The following ZCCHC14 variants were observed in gnomAD, a reference collection of about 807,000 sequenced individuals.
ZCCHC14 encodes the protein zinc finger CCHC-type containing 14.
A neutral mutation model predicts 85.0 loss-of-function variants in ZCCHC14; 16 were observed. The observed-to-expected ratio is 0.19, with a 90% CI of 0.13 to 0.29. The LOEUF is 0.29. Among genes scored for constraint, ZCCHC14 ranks in the 10% least tolerant of loss-of-function variants. ZCCHC14 has a pLI of 1.00. For missense variants in ZCCHC14, 1,303 were observed against 1,443.5 expected (o/e 0.90, Z 1.58); for synonymous variants, 775 against 630.7 (o/e 1.23, Z -3.43).
chr16:87,491,598 C>G lies in ZCCHC14; in HGVS notation c.570+71G>C. 1 of 1,313,886 alleles carries G rather than the reference C, an allele frequency of 7.6e-7. No homozygotes were observed. The highest frequency in any genetic ancestry group is 9.7e-7 in the Non-Finnish European group (1 of 1,026,914). The allele number at this position is 1,313,886 out of a possible 1,614,324, so 81.4% of individuals were successfully genotyped here. On this transcript the variant is annotated intron_variant, in intron 1 of 12. Coordinates refer to ENST00000671377, the MANE Select transcript of ZCCHC14 (RefSeq NM_015144.3). This position sits in a 1 kb window ranked among gnomAD's most constrained non-coding sequence, Gnocchi z 5.9. The stretch of plus-strand genomic sequence containing the variant: ...GTGGGTCGGGGGGTCGCGGTGCAGG[C>G]TGGAGGCTTGGAGTGCAGAGTTGGG...
intron 2 of ZCCHC14, among the ~76,000 whole-genome samples, chr16:87,449,212 C>T (rs76297022): frequency 0.016 from 2,468 of 152,374 alleles, 25 homozygotes; most frequent in Middle Eastern, 0.044. Flanking sequence ...GACCAACACA[C>T]CCCAGGCATC....
chr16:87,488,740 G>C (rs1912622594), intron 1 of ZCCHC14, among the ~76,000 whole-genome samples: 1 of 152,056 alleles, frequency 6.6e-6, no homozygotes, highest in Non-Finnish European at 1.5e-5. Context: ...ACCACTCCTG[G>C]CTAATTTTTG....
At chr16:87,481,533 G>T (rs558475278) in intron 1 of ZCCHC14, among the ~76,000 whole-genome samples, 2 of 27,398 alleles carry the variant, frequency 7.3e-5, no homozygotes, top group Admixed American at 2.2e-4. Flanking sequence ...AAACGGGGGG[G>T]GGGGGGGGTG....
Position 87,491,611 on chromosome 16 carries a change from G to A in ZCCHC14, c.570+58C>T. On this transcript the variant is annotated intron_variant, in intron 1 of 12. Coordinates refer to ENST00000671377, the MANE Select transcript of ZCCHC14 (RefSeq NM_015144.3). The surrounding 1 kb of genome is among the most constrained non-coding windows in gnomAD (Gnocchi z 5.9). ...TCGCGGTGCAGGCTGGAGGCTTGGA[G>A]TGCAGAGTTGGGGATGCAGACTTGG... The A allele has an allele frequency of 1.5e-6, 2 of 1,340,830 alleles. No individual in the cohort carries two copies. The highest frequency in any genetic ancestry group is 1.9e-6 in the Non-Finnish European group (2 of 1,046,564). 83.1% of individuals were successfully genotyped at this position (1,340,830 alleles called of 1,614,324 possible). A position where few individuals can be genotyped will look rare whatever the true frequency, so the allele number is the denominator to read the frequency against.
Position 87,442,024 on chromosome 16 carries a change from G to A in ZCCHC14, c.695-8823C>T, listed in dbSNP as rs142532232. 3.8e-3 allele frequency among the ~76,000 whole-genome samples: 577 copies of A among 152,360 alleles called. 5 individuals are homozygous for A. The highest frequency in any genetic ancestry group is 0.013 in the African/African-American group (557 of 41,582). On this transcript the variant is annotated intron_variant, in intron 2 of 12. Coordinates refer to ENST00000671377, the MANE Select transcript of ZCCHC14 (RefSeq NM_015144.3). Reference sequence around the variant, plus strand: ...CACAGCAGAGAGGGCTAAAGCCCCAGCTTTCTGGCTGGAGGACCAAAAAGG... The same window carrying A: ...CACAGCAGAGAGGGCTAAAGCCCCAACTTTCTGGCTGGAGGACCAAAAAGG...
chr16:87,457,988 C>G (rs1178555008), intron 2 of ZCCHC14, among the ~76,000 whole-genome samples: 1 of 152,144 alleles, frequency 6.6e-6, no homozygotes, highest in Non-Finnish European at 1.5e-5. Context: ...ACCCGCCAGC[C>G]TACGCAGGCT....
intron 2 of ZCCHC14, among the ~76,000 whole-genome samples, chr16:87,457,699 GAC>G (rs1369355892): frequency 1.3e-5 from 2 of 152,138 alleles, no homozygotes; most frequent in African/African-American, 4.8e-5. Context: ...ATACAGAAAA[GAC>G]AGAGAGAAAA....
At chr16:87,489,832 T>C (rs1381964476) in intron 1 of ZCCHC14, among the ~76,000 whole-genome samples, 3 of 152,210 alleles carry the variant, frequency 2.0e-5, no homozygotes, top group Non-Finnish European at 4.4e-5. Context: ...ATCACCACTG[T>C]CTGCATAAAG....
chr16:87,458,894 G>C (rs535729763), intron 2 of ZCCHC14, among the ~76,000 whole-genome samples: 3 of 152,156 alleles, frequency 2.0e-5, no homozygotes, highest in Non-Finnish European at 4.4e-5. Flanking sequence ...ACTGGAAAGC[G>C]CCACCCTGGT....
intron 1 of ZCCHC14, among the ~76,000 whole-genome samples, chr16:87,464,902 C>T (rs1052330711): frequency 6.6e-6 from 1 of 152,222 alleles, no homozygotes; most frequent in Non-Finnish European, 1.5e-5. Flanking sequence ...GCCTGATGTG[C>T]ACGAGAGGGA....
chr16:87,458,389 C>A (rs1199174545), intron 2 of ZCCHC14, among the ~76,000 whole-genome samples: 1 of 152,154 alleles, frequency 6.6e-6, no homozygotes, highest in African/African-American at 2.4e-5. Context: ...GCGGTGAAGA[C>A]GCTCAACCAA....
chr16:87,410,297 G>C lies in ZCCHC14; in HGVS notation c.3244C>G (p.Leu1082Val), dbSNP rs1285510471. The change falls in exon 13 of 13, where the codon CTG becomes GTG. Residue 1082 changes from leucine to valine, a missense_variant. Physicochemically the swap from Leu to Val is conservative, Grantham distance 32 (BLOSUM62 1). Coordinates refer to ENST00000671377, the MANE Select transcript of ZCCHC14 (RefSeq NM_015144.3). ...GAAAAATATCAATCTGTGGAGTCCA[G>C]ACTTTCTGCTGGAGGGGCGTATTTC... ...RLKYAPPAES[L>V]DSTD is the part of the protein sequence containing the mutation. The C allele has an allele frequency of 2.6e-6, 2 of 776,692 alleles. No homozygotes were observed. The highest frequency in any genetic ancestry group is 4.9e-5 in the East Asian group (2 of 40,938). 48.1% of individuals were successfully genotyped at this position (776,692 alleles called of 1,614,324 possible). A position where few individuals can be genotyped will look rare whatever the true frequency, so the allele number is the denominator to read the frequency against.
At chr16:87,423,743 C>T (rs977890878) in intron 4 of ZCCHC14, 67 bp downstream of exon 4, 20 of 1,561,260 alleles carry the variant, frequency 1.3e-5, no homozygotes, top group Non-Finnish European at 1.6e-5. Flanking sequence ...GAAATTACTC[C>T]GTGGTATCAT....
chr16:87,468,527 G>C (rs902627183), intron 1 of ZCCHC14, among the ~76,000 whole-genome samples: 25 of 151,404 alleles, frequency 1.7e-4, no homozygotes, highest in African/African-American at 6.1e-4. Context: ...GGAGGCGCAT[G>C]CCACCATGCC....
intron 1 of ZCCHC14, among the ~76,000 whole-genome samples, chr16:87,465,823 T>A (rs371189427): frequency 2.6e-5 from 4 of 152,152 alleles, no homozygotes; most frequent in African/African-American, 9.6e-5. Flanking sequence ...AGCCTCCTCT[T>A]ATTTTTTTAT....
rs745374756 is a variant in ZCCHC14, at chr16:87,460,141, C to A, written c.571-10G>T. ...CAGTTCTTGGAGTGATCTGAGGGAA[C>A]AGAAACAGAATCATCTTATTTTCTC... On this transcript the variant is annotated splice_polypyrimidine_tract_variant and intron_variant, in intron 1 of 12. Transcript: ENST00000671377. 2.5e-6 allele frequency: 4 copies of A among 1,612,848 alleles called. No individual in the cohort carries two copies. The highest frequency in any genetic ancestry group is 2.5e-6 in the Non-Finnish European group (3 of 1,179,488).
At chr16:87,417,853 G>A (rs1473418098) in intron 7 of ZCCHC14, 111 bp from the exon 8 acceptor site, 52 of 1,349,664 alleles carry the variant, frequency 3.9e-5, no homozygotes, top group Non-Finnish European at 4.5e-5. Flanking sequence ...CCTCTTGGCC[G>A]GCCCTGTTGT....
rs776257903 is a variant in ZCCHC14 at position 87,409,864 on chromosome 16, AG to A, written c.*415del. The A allele has an allele frequency of 4.6e-4, 74 of 159,870 alleles. No individual in the cohort carries two copies. Among genetic ancestry groups the A allele is most frequent in the Non-Finnish European group, 8.5e-4 (62 of 72,956 alleles). The allele number at this position is 159,870 out of a possible 1,614,324, so 9.9% of individuals were successfully genotyped here. On this transcript the variant is annotated 3_prime_UTR_variant, in exon 13 of 13. Transcript: ENST00000671377. ...ACAAAGTCGACATTTTCCCTAGCCC[AG>A]GGGTGTCAGGAGTCCGGCGGGTGGA...
At chr16:87,465,510 C>T (rs561596369) in intron 1 of ZCCHC14, among the ~76,000 whole-genome samples, 1 of 152,344 alleles carries the variant, frequency 6.6e-6, no homozygotes, top group South Asian at 2.1e-4. Context: ...TGGGGCTCTT[C>T]CAGGAAAGCT....
Sources: allele counts gnomAD v4.1 joint callset (sites outside exome capture counted in the v4.1 genomes callset), GRCh38; gene constraint gnomAD v4.1.1; non-coding constraint Gnocchi (gnomAD v3.1); transcripts MANE v1.5; gene names NCBI Gene and HGNC (gene_info 2026-07-23, HGNC 2026-07-21).